Variants in MARK1 observed in about 807,000 individuals in gnomAD.
MARK1 encodes serine/threonine-protein kinase MARK1.
Under a neutral mutation model 96.3 loss-of-function variants are expected in MARK1, and 40 were observed. The ratio of observed to expected loss-of-function variants is 0.42; its 90% CI spans 0.32 to 0.54. The LOEUF is 0.54. MARK1 is among the 20% of genes least tolerant of loss of function. MARK1 has a pLI of 0.16. For synonymous variants in MARK1, 317 were observed against 341.2 expected (o/e 0.93, Z 0.78); for missense variants, 719 against 984.6 (o/e 0.73, Z 3.61).
intron 1 of MARK1, among the ~76,000 whole-genome samples, chr1:220,537,320 T>C (rs1660774050): frequency 6.8e-6 from 1 of 146,758 alleles, no homozygotes; most frequent in African/African-American, 2.5e-5. Flanking sequence ...TTCCCACCTA[T>C]GAGTGAGAAC....
chr1:220,537,356 G>T (rs1660776843), intron 1 of MARK1, among the ~76,000 whole-genome samples: 1 of 149,514 alleles, frequency 6.7e-6, no homozygotes, highest in Admixed American at 6.7e-5. Flanking sequence ...TTTTGTTCTT[G>T]CAATAGTTTA....
At chr1:220,628,645 TC>T (rs1667487342) in intron 9 of MARK1, among the ~76,000 whole-genome samples, 1 of 152,192 alleles carries the variant, frequency 6.6e-6, no homozygotes. Context: ...TGAGCCCTCT[TC>T]TATTCATTCT....
chr1:220,609,021 A>G (rs1265734651), intron 6 of MARK1, among the ~76,000 whole-genome samples: 1 of 152,182 alleles, frequency 6.6e-6, no homozygotes, highest in Admixed American at 6.5e-5. Context: ...GCTGAGAAGA[A>G]TGTATATTCT....
intron 1 of MARK1, among the ~76,000 whole-genome samples, chr1:220,538,435 A>G (rs908131157): frequency 4.6e-5 from 7 of 151,738 alleles, no homozygotes; most frequent in African/African-American, 1.2e-4. Flanking sequence ...GCATTGATCT[A>G]TATCTCTATT....
At chr1:220,554,246 C>T (rs1377206692) in intron 1 of MARK1, among the ~76,000 whole-genome samples, 1 of 152,118 alleles carries the variant, frequency 6.6e-6, no homozygotes. Context: ...CAGATCTAGT[C>T]AGTGTAATGT....
intron 1 of MARK1, among the ~76,000 whole-genome samples, chr1:220,568,812 T>A (rs1043818359): frequency 1.4e-4 from 22 of 152,288 alleles, no homozygotes; most frequent in Admixed American, 1.3e-3. Context: ...TGCCTATTGA[T>A]GGACTTTGTG....
Position 220,654,172 on chromosome 1 carries a change from A to G in MARK1, c.1988+820A>G, listed in dbSNP as rs17008159. Reference sequence around the variant, plus strand: ...TGATATAAAGCAGAACATGTGCTAAAAAGTGTGGGCAACATGCTGGATTCC... The same window carrying G: ...TGATATAAAGCAGAACATGTGCTAAGAAGTGTGGGCAACATGCTGGATTCC... On this transcript the variant is annotated intron_variant, in intron 16 of 17. Transcript: ENST00000366917. The surrounding 1 kb of genome is among the most constrained non-coding windows in gnomAD (Gnocchi z 4.0). 8.6e-3 allele frequency among the ~76,000 whole-genome samples: 1,306 copies of G among 152,346 alleles called. 16 individuals are homozygous for G. Among genetic ancestry groups the G allele is most frequent in the African/African-American group, 0.029 (1,194 of 41,574 alleles).
intron 13 of MARK1, among the ~76,000 whole-genome samples, chr1:220,648,313 C>T (rs1668695342): frequency 6.6e-6 from 1 of 152,128 alleles, no homozygotes; most frequent in Non-Finnish European, 1.5e-5. Context: ...CACCTAGTTC[C>T]CAAATCCTCA....
chr1:220,561,084 C>T (rs1021355919), intron 1 of MARK1, among the ~76,000 whole-genome samples: 5 of 151,330 alleles, frequency 3.3e-5, no homozygotes, highest in African/African-American at 9.7e-5. Context: ...GTGGTTATAC[C>T]GAAGGACCCT....
intron 1 of MARK1, among the ~76,000 whole-genome samples, chr1:220,529,650 G>T (rs981854570): frequency 5.9e-5 from 9 of 152,108 alleles, no homozygotes; most frequent in African/African-American, 2.2e-4. Context: ...TTAAAGGAGG[G>T]ATTTTCTGTG....
At chr1:220,541,120 A>G (rs1572047224) in intron 1 of MARK1, among the ~76,000 whole-genome samples, 1 of 152,038 alleles carries the variant, frequency 6.6e-6, no homozygotes, top group East Asian at 1.9e-4. Flanking sequence ...TTTAGAAGAG[A>G]CGGGGTTTCA....
intron 6 of MARK1, 55 bp downstream of exon 6, chr1:220,604,192 G>A: frequency 8.8e-7 from 1 of 1,140,058 alleles, no homozygotes; most frequent in Non-Finnish European, 1.3e-6. Flanking sequence ...GATGTACAAT[G>A]GACAGTATTA....
chr1:220,611,407 T>A (rs929577602), intron 6 of MARK1, among the ~76,000 whole-genome samples: 1 of 152,248 alleles, frequency 6.6e-6, no homozygotes, highest in African/African-American at 2.4e-5. Flanking sequence ...TCACCTTGTC[T>A]GCTGGTTGCT....
At chr1:220,579,992 G>T (rs1479420830) in intron 2 of MARK1, among the ~76,000 whole-genome samples, 1 of 152,012 alleles carries the variant, frequency 6.6e-6, no homozygotes, top group Non-Finnish European at 1.5e-5. Flanking sequence ...GTTTTCTCAG[G>T]TAATAAGATA....
chr1:220,559,792 G>A (rs1662536297), intron 1 of MARK1, among the ~76,000 whole-genome samples: 1 of 152,256 alleles, frequency 6.6e-6, no homozygotes, highest in Non-Finnish European at 1.5e-5. Flanking sequence ...CTGGATTAAT[G>A]AACCATAAAG....
chr1:220,615,514 A>G (rs1325630768), intron 6 of MARK1, among the ~76,000 whole-genome samples: 1 of 152,156 alleles, frequency 6.6e-6, no homozygotes, highest in Non-Finnish European at 1.5e-5. Context: ...AACACATTTG[A>G]TGTAATTCCT....
chr1:220,548,613 C>T (rs564684967), intron 1 of MARK1, among the ~76,000 whole-genome samples: 85 of 152,114 alleles, frequency 5.6e-4, no homozygotes, highest in African/African-American at 1.8e-3. Flanking sequence ...GTGGTGGGCA[C>T]CTGTAGTCCC....
intron 1 of MARK1, among the ~76,000 whole-genome samples, chr1:220,561,305 G>A (rs1662653774): frequency 6.6e-6 from 1 of 152,086 alleles, no homozygotes; most frequent in Admixed American, 6.6e-5. Context: ...TGCAGTCCAG[G>A]GCAGCTTTGA....
At chr1:220,616,580 C>T (rs535648613) in intron 7 of MARK1, among the ~76,000 whole-genome samples, 1 of 152,130 alleles carries the variant, frequency 6.6e-6, no homozygotes, top group African/African-American at 2.4e-5. Context: ...TTGCATTGTC[C>T]CTTACATAGG....
Sources: allele counts gnomAD v4.1 joint callset (sites outside exome capture counted in the v4.1 genomes callset), GRCh38; gene constraint gnomAD v4.1.1; non-coding constraint Gnocchi (gnomAD v3.1); transcripts MANE v1.5; gene names NCBI Gene and HGNC (gene_info 2026-07-23, HGNC 2026-07-21).